Variants in RBFOX2 observed in about 807,000 individuals in gnomAD.
RBFOX2 encodes RNA binding fox-1 homolog 2.
Under a neutral mutation model 49.1 loss-of-function variants are expected in RBFOX2, and 10 were observed. The observed-to-expected ratio is 0.20, with a 90% CI of 0.13 to 0.35. The LOEUF (loss-of-function observed/expected upper bound fraction) is 0.35, where lower values mean the gene tolerates loss of function less well. Ranked by LOEUF, RBFOX2 falls within the 10% of genes least tolerant of loss-of-function variation. The pLI, the probability that RBFOX2 is intolerant of heterozygous loss-of-function variation, is 1.00. For missense variants in RBFOX2, 323 were observed against 486.9 expected, an observed-to-expected ratio of 0.66 and a Z score of 3.17; for synonymous variants, 183 against 187.4, an observed-to-expected ratio of 0.98 and a Z score of 0.19.
At chr22:35,963,890 C>G (rs1248751763), upstream of RBFOX2, among the ~76,000 whole-genome samples, 1 of 152,130 alleles carries the variant, frequency 6.6e-6, no homozygotes, top group African/African-American at 2.4e-5. Flanking sequence ...GGATTACAGG[C>G]AAGCGCCACC....
intron 1 of RBFOX2, among the ~76,000 whole-genome samples, chr22:35,967,141 C>T (rs555044687): frequency 2.6e-5 from 4 of 152,180 alleles, no homozygotes; most frequent in Admixed American, 1.3e-4. Flanking sequence ...TTCTTAATGG[C>T]GTCTTTTAAT....
chr22:35,931,712 T>G (rs971757319), intron 1 of RBFOX2, among the ~76,000 whole-genome samples: 2 of 151,924 alleles, frequency 1.3e-5, no homozygotes, highest in African/African-American at 4.8e-5. Flanking sequence ...GAGGTGGAGG[T>G]TGCAATGAGC....
chr22:36,008,943 A>C (rs2058715772), intron 1 of RBFOX2, among the ~76,000 whole-genome samples: 1 of 152,230 alleles, frequency 6.6e-6, no homozygotes, highest in Admixed American at 6.5e-5. Context: ...AAAGGAAAGA[A>C]GGAAGATTCC....
intron 2 of RBFOX2, among the ~76,000 whole-genome samples, chr22:35,805,122 C>T (rs539476129): frequency 1.3e-5 from 2 of 151,434 alleles, no homozygotes; most frequent in Admixed American, 6.6e-5. Context: ...CCCGTCTCTA[C>T]TAAAAAAAAC....
intron 1 of RBFOX2, among the ~76,000 whole-genome samples, chr22:35,917,358 G>A (rs2050546248): frequency 6.6e-6 from 1 of 152,006 alleles, no homozygotes; most frequent in Non-Finnish European, 1.5e-5. Context: ...TTAGGGTCAT[G>A]GGGCAGGAAA....
intron 1 of RBFOX2, among the ~76,000 whole-genome samples, chr22:35,915,145 C>T (rs1483649808): frequency 6.6e-6 from 1 of 152,174 alleles, no homozygotes; most frequent in East Asian, 1.9e-4. Context: ...ACATTCTCTC[C>T]TCTGAGCCAC....
At chr22:35,976,987 A>T (rs2057200077) in intron 1 of RBFOX2, among the ~76,000 whole-genome samples, 1 of 151,922 alleles carries the variant, frequency 6.6e-6, no homozygotes, top group African/African-American at 2.4e-5. Context: ...AAAGAAAAAG[A>T]AAAGCAAATG....
chr22:35,834,877 G>A (rs969544710), intron 1 of RBFOX2, among the ~76,000 whole-genome samples: 1 of 152,158 alleles, frequency 6.6e-6, no homozygotes, highest in Non-Finnish European at 1.5e-5. Flanking sequence ...GCACAGGAAT[G>A]ACAAAATCAG....
intron 1 of RBFOX2, among the ~76,000 whole-genome samples, chr22:35,890,570 T>C (rs2047122840): frequency 6.6e-6 from 1 of 152,188 alleles, no homozygotes; most frequent in South Asian, 2.1e-4. Context: ...GGGACTACTA[T>C]ACTGATAAAC....
chr22:35,979,358 C>T (rs1399169337), intron 1 of RBFOX2, among the ~76,000 whole-genome samples: 2 of 152,138 alleles, frequency 1.3e-5, no homozygotes, highest in Non-Finnish European at 2.9e-5. Context: ...AAAATGTTAA[C>T]GAAGTCTGTG....
At chr22:35,948,765 TAC>T (rs1251190970) in intron 1 of RBFOX2, among the ~76,000 whole-genome samples, 1 of 152,214 alleles carries the variant, frequency 6.6e-6, no homozygotes, top group African/African-American at 2.4e-5. Context: ...TTCAAGATCA[TAC>T]TATAAATATT....
At chr22:35,833,195 C>G (rs577645051) in intron 1 of RBFOX2, among the ~76,000 whole-genome samples, 60 of 152,058 alleles carry the variant, frequency 3.9e-4, no homozygotes, top group African/African-American at 1.4e-3. Context: ...ATTCTGGAAA[C>G]CGTATGTTTT....
intron 2 of RBFOX2, among the ~76,000 whole-genome samples, chr22:35,799,106 CAGAG>C (rs1234841632): frequency 3.9e-5 from 6 of 152,086 alleles, no homozygotes; most frequent in South Asian, 2.1e-4. Flanking sequence ...GTGACAGAAA[CAGAG>C]AGAGAATTAT....
At chr22:35,871,503 CTTA>C (rs1569432334) in intron 1 of RBFOX2, among the ~76,000 whole-genome samples, 1 of 152,112 alleles carries the variant, frequency 6.6e-6, no homozygotes, top group Non-Finnish European at 1.5e-5. Flanking sequence ...TGGGAAAAGA[CTTA>C]TTATGTGCTG....
At chr22:35,800,606 T>C (rs1949595868) in intron 2 of RBFOX2, among the ~76,000 whole-genome samples, 1 of 152,132 alleles carries the variant, frequency 6.6e-6, no homozygotes, top group Admixed American at 6.5e-5. Flanking sequence ...CGAATTCTAA[T>C]TACCATTAAT....
Position 36,020,420 on chromosome 22 carries a change from C to T in RBFOX2, c.186+7820G>A, listed in dbSNP as rs534876053. Among the ~76,000 whole-genome samples, 37 of 152,270 alleles carry T rather than the reference C, an allele frequency of 2.4e-4. No individual in the cohort carries two copies. The South Asian group carries it at 7.7e-3, about 32-fold the overall frequency. On this transcript the variant is annotated intron_variant, in intron 1 of 13. Transcript: ENST00000438146. ...AATGGGATCTAATTAAACTAAAGAG[C>T]TTCTGCACAGCAAAAGAAACCACCA...
At chr22:35,923,433 GCA>G (rs899594952) in intron 1 of RBFOX2, among the ~76,000 whole-genome samples, 2 of 151,902 alleles carry the variant, frequency 1.3e-5, no homozygotes, top group African/African-American at 4.8e-5. Flanking sequence ...GAGTGCACTG[GCA>G]CAGTCAGCTC....
In RBFOX2 at chr22:35,970,874, T is replaced by C. The variant is rs573944963; in HGVS notation, c.187-31977A>G. Among the ~76,000 whole-genome samples, 7 of 152,292 alleles carry C rather than the reference T, an allele frequency of 4.6e-5. 1 individual carries two copies. The South Asian group carries it at 1.2e-3, about 27-fold the overall frequency. On this transcript the variant is annotated intron_variant, in intron 1 of 13. Coordinates refer to the RBFOX2 transcript ENST00000438146. The stretch of plus-strand genomic sequence containing the variant: ...TAGAATAAAATTGCAAAGACCTAAA[T>C]GGACCCCTGGGATGGCAGAGTTTCT...
intron 2 of RBFOX2, among the ~76,000 whole-genome samples, chr22:35,795,351 G>A (rs1948590175): frequency 6.6e-6 from 1 of 152,050 alleles, no homozygotes; most frequent in Non-Finnish European, 1.5e-5. Flanking sequence ...ACATGCTAAT[G>A]ACACCTACAC....
Sources: gnomAD v4.1 joint callset for allele counts (sites outside exome capture counted in the v4.1 genomes callset) on GRCh38, gnomAD v4.1.1 for gene constraint, MANE v1.5 for transcripts, NCBI Gene and HGNC (gene_info 2026-07-23, HGNC 2026-07-21) for gene names.